CNTNAP2: variants seen among roughly 807,000 people sequenced by gnomAD.
The protein encoded by CNTNAP2 is contactin associated protein 2.
Under a neutral mutation model 155.2 loss-of-function variants are expected in CNTNAP2, and 98 were observed. The observed-to-expected ratio is 0.63, with a 90% confidence interval of 0.54 to 0.75. The LOEUF is 0.75. Among genes scored for constraint, CNTNAP2 ranks in the 30% least tolerant of loss-of-function variants. The probability of loss-of-function intolerance (pLI) is 0.00; values close to 1 mark genes in which losing one functional copy is unlikely to be tolerated. For missense variants in CNTNAP2, 1,727 were observed against 1,688.1 expected (o/e 1.02, Z -0.40); for synonymous variants, 651 against 631.2 (o/e 1.03, Z -0.47).
At position 148,050,117 on chromosome 7, in the gene CNTNAP2, G is replaced by T. The variant is rs185776899; in HGVS notation, c.2384-68001G>T. ...GCAGTTTGCAGTAAGCCAAGATCGC[G>T]CCACTGCACTCCAGCCTGGGTGACA... On this transcript the variant is annotated intron_variant, in intron 15 of 23. Coordinates refer to ENST00000361727, the MANE Select transcript of CNTNAP2 (RefSeq NM_014141.6). Among the ~76,000 whole-genome samples, 31 of 152,260 alleles carry T rather than the reference G, an allele frequency of 2.0e-4. No individual in the cohort carries two copies. The East Asian group carries it at 5.6e-3, about 28-fold the overall frequency.
chr7:147,897,595 T>C (rs150817482), intron 13 of CNTNAP2, among the ~76,000 whole-genome samples: 1,675 of 152,350 alleles, frequency 0.011, 88 homozygotes, highest in Admixed American at 0.091. Context: ...GGTCAGGCTG[T>C]GGCCTGCCCA....
intron 14 of CNTNAP2, among the ~76,000 whole-genome samples, chr7:147,921,319 C>G (rs1159937870): frequency 1.3e-5 from 2 of 152,178 alleles, no homozygotes; most frequent in African/African-American, 4.8e-5. Context: ...GTATTAATCT[C>G]CTCATGATCC....
chr7:147,725,209 AT>A (rs1297778843), intron 13 of CNTNAP2, among the ~76,000 whole-genome samples: 2 of 149,684 alleles, frequency 1.3e-5, no homozygotes, highest in East Asian at 3.9e-4. Flanking sequence ...ATTATTATCC[AT>A]TTTGTACTTA....
intron 1 of CNTNAP2, among the ~76,000 whole-genome samples, chr7:146,328,782 C>T (rs116647710): frequency 0.034 from 5,190 of 152,244 alleles, 158 homozygotes; most frequent in African/African-American, 0.079. Context: ...CGTGAGATCA[C>T]GCAATATTTG....
chr7:148,245,944 A>G (rs1240478614), intron 20 of CNTNAP2, among the ~76,000 whole-genome samples: 1 of 152,076 alleles, frequency 6.6e-6, no homozygotes, highest in African/African-American at 2.4e-5. Context: ...TCCACCTTCT[A>G]CTTCTGGAAC....
intron 8 of CNTNAP2, among the ~76,000 whole-genome samples, chr7:147,140,669 G>GTAAAGTT (rs1665580802): frequency 6.6e-6 from 1 of 152,054 alleles, no homozygotes; most frequent in South Asian, 2.1e-4. Flanking sequence ...CAGAAAACTA[G>GTAAAGTT]TAAAGTTCAC....
intron 9 of CNTNAP2, among the ~76,000 whole-genome samples, chr7:147,360,110 C>T (rs981118545): frequency 5.9e-5 from 9 of 152,064 alleles, no homozygotes; most frequent in Non-Finnish European, 8.8e-5. Flanking sequence ...CTAAAATATA[C>T]ACCACTACTA....
chr7:147,637,080 G>A (rs891886112), intron 12 of CNTNAP2, among the ~76,000 whole-genome samples: 1 of 152,156 alleles, frequency 6.6e-6, no homozygotes, highest in Non-Finnish European at 1.5e-5. Flanking sequence ...CATAGAGGCG[G>A]GGAGGAGCCA....
chr7:146,754,553 T>A, intron 1 of CNTNAP2, among the ~76,000 whole-genome samples: 1 of 120,420 alleles, frequency 8.3e-6, no homozygotes, highest in Non-Finnish European at 1.8e-5. Context: ...TCTCTCTCTC[T>A]GTCTCTCTCT....
chr7:147,554,573 A>C (rs967231413), intron 11 of CNTNAP2, among the ~76,000 whole-genome samples: 6 of 152,158 alleles, frequency 3.9e-5, no homozygotes, highest in Non-Finnish European at 8.8e-5. Flanking sequence ...TAATTTCAAC[A>C]AGAAATTGAA....
intron 1 of CNTNAP2, among the ~76,000 whole-genome samples, chr7:146,295,103 A>G (rs1368054570): frequency 6.6e-6 from 1 of 152,194 alleles, no homozygotes; most frequent in Non-Finnish European, 1.5e-5. Flanking sequence ...ATAAGTTTAC[A>G]TCTAAAAATT....
intron 10 of CNTNAP2, among the ~76,000 whole-genome samples, chr7:147,441,869 C>T (rs1273657123): frequency 1.4e-5 from 2 of 141,482 alleles, no homozygotes; most frequent in Non-Finnish European, 3.1e-5. Context: ...CCCTCCCTCC[C>T]TCCCTCCCTC....
intron 16 of CNTNAP2, among the ~76,000 whole-genome samples, chr7:148,141,687 G>A (rs1805074518): frequency 6.6e-6 from 1 of 152,194 alleles, no homozygotes; most frequent in African/African-American, 2.4e-5. Context: ...TCCAGATAGT[G>A]ATACATGCTA....
At chr7:147,368,025 C>G (rs1440235323) in intron 9 of CNTNAP2, among the ~76,000 whole-genome samples, 7 of 117,050 alleles carry the variant, frequency 6.0e-5, no homozygotes, top group African/African-American at 2.4e-4. Flanking sequence ...CCCCCCCTCC[C>G]CCTCCTCCTC....
intron 1 of CNTNAP2, among the ~76,000 whole-genome samples, chr7:146,715,159 C>T (rs950858185): frequency 2.6e-5 from 4 of 151,980 alleles, no homozygotes; most frequent in East Asian, 3.9e-4. Context: ...GGTGAAACCC[C>T]GTCTCTACTA....
chr7:146,845,837 C>T (rs757788941), intron 3 of CNTNAP2, among the ~76,000 whole-genome samples: 2 of 152,156 alleles, frequency 1.3e-5, no homozygotes, highest in Non-Finnish European at 2.9e-5. Flanking sequence ...TGCCAGGTGC[C>T]ATTGCAGTGC....
intron 13 of CNTNAP2, among the ~76,000 whole-genome samples, chr7:147,659,826 T>TAC (rs754658766): frequency 6.6e-5 from 10 of 152,190 alleles, no homozygotes; most frequent in Non-Finnish European, 1.3e-4. Flanking sequence ...TGTATTTGCA[T>TAC]ACTGCCTTTT....
chr7:146,137,920 C>A (rs1272690678), intron 1 of CNTNAP2, among the ~76,000 whole-genome samples: 7 of 151,782 alleles, frequency 4.6e-5, no homozygotes, highest in Non-Finnish European at 7.4e-5. Flanking sequence ...ACTGAAAGGT[C>A]ATCTAGTTAC....
chr7:146,344,470 C>CTTTTTTTTT (rs566140535), intron 1 of CNTNAP2, among the ~76,000 whole-genome samples: 1 of 144,744 alleles, frequency 6.9e-6, no homozygotes, highest in African/African-American at 2.5e-5. Flanking sequence ...ATTGAACTAG[C>CTTTTTTTTT]TTTTTTTTTT....
Sources: gnomAD v4.1 joint callset for allele counts (sites outside exome capture counted in the v4.1 genomes callset) on GRCh38, gnomAD v4.1.1 for gene constraint, MANE v1.5 for transcripts, NCBI Gene and HGNC (gene_info 2026-07-23, HGNC 2026-07-21) for gene names.